Variants in TRPS1 observed in about 807,000 individuals in gnomAD.
TRPS1 encodes the protein zinc finger transcription factor Trps1.
A neutral mutation model predicts 101.2 loss-of-function variants in TRPS1; 6 were observed. The observed-to-expected ratio is 0.06, with a 90% CI of 0.03 to 0.12. The LOEUF (loss-of-function observed/expected upper bound fraction) is 0.12, where lower values mean the gene tolerates loss of function less well. Among genes scored for constraint, TRPS1 ranks in the 10% least tolerant of loss-of-function variants. The pLI is 1.00. For missense variants in TRPS1, 1,363 were observed against 1,567.0 expected (o/e 0.87, Z 2.20); for synonymous variants, 578 against 589.8 (o/e 0.98, Z 0.29).
chr8:115,510,966 G>A (rs1815568737), intron 5 of TRPS1: 1 of 151,852 alleles, frequency 6.6e-6, no homozygotes, highest in Non-Finnish European at 1.5e-5. Context: ...TTGTCTCAAG[G>A]ACTATTAGTC....
At chr8:115,493,960 C>T (rs1312520618) in intron 5 of TRPS1, among the ~76,000 whole-genome samples, 5 of 152,116 alleles carry the variant, frequency 3.3e-5, no homozygotes, top group Admixed American at 6.5e-5. Context: ...AAAATATATT[C>T]CACATATCTT....
At chr8:115,461,100 T>C (rs1436110376) in intron 5 of TRPS1, among the ~76,000 whole-genome samples, 4 of 152,184 alleles carry the variant, frequency 2.6e-5, no homozygotes, top group African/African-American at 9.6e-5. Context: ...CTGCATGTCA[T>C]ACAATATAAT....
At chr8:115,477,097 G>C (rs1355726735) in intron 5 of TRPS1, among the ~76,000 whole-genome samples, 2 of 151,830 alleles carry the variant, frequency 1.3e-5, no homozygotes, top group African/African-American at 4.8e-5. Flanking sequence ...AAAAAAGTGG[G>C]AATAAAAAAA....
chr8:115,652,733 A>G (rs748931563), intron 1 of TRPS1, among the ~76,000 whole-genome samples: 4 of 152,250 alleles, frequency 2.6e-5, no homozygotes, highest in Non-Finnish European at 5.9e-5. Context: ...CAACTGGATT[A>G]TAATCCAAAT....
chr8:115,475,044 T>C (rs1431372592), intron 5 of TRPS1, among the ~76,000 whole-genome samples: 1 of 151,934 alleles, frequency 6.6e-6, no homozygotes, highest in Admixed American at 6.6e-5. Context: ...TGCAGGACTT[T>C]TAAGCTCTAA....
At chr8:115,490,999 T>A (rs963276987) in intron 5 of TRPS1, among the ~76,000 whole-genome samples, 1 of 152,172 alleles carries the variant, frequency 6.6e-6, no homozygotes, top group Non-Finnish European at 1.5e-5. Flanking sequence ...GGGAGGGACA[T>A]ATATTCTGAA....
intron 1 of TRPS1, among the ~76,000 whole-genome samples, chr8:115,658,242 C>G (rs1486359766): frequency 6.6e-6 from 1 of 152,032 alleles, no homozygotes; most frequent in African/African-American, 2.4e-5. Flanking sequence ...CTTACAGGAC[C>G]TTCCACTCCT....
At chr8:115,491,151 TG>T (rs751846035) in intron 5 of TRPS1, among the ~76,000 whole-genome samples, 24 of 152,328 alleles carry the variant, frequency 1.6e-4, no homozygotes, top group South Asian at 4.1e-4. Flanking sequence ...AATTAGACTT[TG>T]TTAAAGACGA....
intron 5 of TRPS1, among the ~76,000 whole-genome samples, chr8:115,441,516 G>A (rs751671511): frequency 6.6e-5 from 10 of 152,136 alleles, no homozygotes; most frequent in Non-Finnish European, 1.0e-4. Flanking sequence ...CTTGAACAAT[G>A]AGTATAAAAT....
chr8:115,417,646 T>A (rs568300080), intron 6 of TRPS1, among the ~76,000 whole-genome samples: 25 of 152,158 alleles, frequency 1.6e-4, no homozygotes, highest in Non-Finnish European at 3.1e-4. Flanking sequence ...TAACTAAAAT[T>A]TGAGGAAAAG....
intron 3 of TRPS1, among the ~76,000 whole-genome samples, chr8:115,614,409 A>T (rs1396395051): frequency 6.6e-6 from 1 of 152,228 alleles, no homozygotes; most frequent in Non-Finnish European, 1.5e-5. Context: ...CAAGGCCAAA[A>T]AAGATTTAAC....
chr8:115,529,377 T>A (rs1816076441), intron 5 of TRPS1, among the ~76,000 whole-genome samples: 1 of 152,242 alleles, frequency 6.6e-6, no homozygotes, highest in East Asian at 1.9e-4. Context: ...ATTGTATATG[T>A]AAGATGTAGA....
chr8:115,461,667 T>C lies in TRPS1; in HGVS notation c.2701-43215A>G, dbSNP rs1814182696. On this transcript the variant is annotated intron_variant, in intron 5 of 6. Coordinates refer to ENST00000395715, the MANE Select transcript of TRPS1 (RefSeq NM_014112.5). The stretch of plus-strand genomic sequence containing the variant: ...CCTCAGATTTCTTCAATTTAGTTGG[T>C]TTCTAAAGGCCTTTTAAGTTGAAAC... Among the ~76,000 whole-genome samples the C allele has an allele frequency of 1.3e-5, 2 of 152,186 alleles. 1 individual carries two copies. Among genetic ancestry groups the C allele is most frequent in the Non-Finnish European group, 2.9e-5 (2 of 68,026 alleles).
chr8:115,532,830 G>A (rs1236883607), intron 5 of TRPS1, among the ~76,000 whole-genome samples: 2 of 152,044 alleles, frequency 1.3e-5, no homozygotes, highest in African/African-American at 4.8e-5. Flanking sequence ...AATAAATGAA[G>A]GGCTTTGGGT....
intron 5 of TRPS1, among the ~76,000 whole-genome samples, chr8:115,479,152 C>G (rs779022237): frequency 6.6e-6 from 1 of 151,930 alleles, no homozygotes; most frequent in African/African-American, 2.4e-5. Context: ...ATAAGTACAA[C>G]ACTTTACACA....
At chr8:115,431,686 T>C (rs1465527409) in intron 5 of TRPS1, among the ~76,000 whole-genome samples, 1 of 151,966 alleles carries the variant, frequency 6.6e-6, no homozygotes, top group Non-Finnish European at 1.5e-5. Context: ...GTTTTATTAC[T>C]TATTTCTAGC....
chr8:115,430,354 A>G (rs1813288670), intron 5 of TRPS1, among the ~76,000 whole-genome samples: 2 of 152,088 alleles, frequency 1.3e-5, no homozygotes, highest in Non-Finnish European at 2.9e-5. Context: ...TAATCTTTAT[A>G]TTATCAGTGC....
intron 1 of TRPS1, among the ~76,000 whole-genome samples, chr8:115,649,362 G>C (rs971447623): frequency 1.3e-5 from 2 of 152,134 alleles, no homozygotes; most frequent in African/African-American, 4.8e-5. Flanking sequence ...AAAGTAGAGG[G>C]AGCCTCAGCT....
At chr8:115,606,807 CAAAAAAAA>C (rs72238288) in intron 3 of TRPS1, among the ~76,000 whole-genome samples, 2 of 123,440 alleles carry the variant, frequency 1.6e-5, no homozygotes, top group Non-Finnish European at 3.6e-5. Flanking sequence ...GTTCATTTGC[CAAAAAAAA>C]AAAAAAAAAA....
Sources: gnomAD v4.1 joint callset for allele counts (sites outside exome capture counted in the v4.1 genomes callset) on GRCh38, gnomAD v4.1.1 for gene constraint, MANE v1.5 for transcripts, NCBI Gene and HGNC (gene_info 2026-07-23, HGNC 2026-07-21) for gene names.